The following CDH12 variants were observed in gnomAD, a reference collection of about 807,000 sequenced individuals.
The protein encoded by CDH12 is cadherin 12, also known as cadherin-12.
In CDH12, 41 loss-of-function variants were observed where a neutral mutation model predicts 74.1. The observed-to-expected ratio is 0.55, with a 90% CI of 0.43 to 0.72. The LOEUF is 0.72. Ranked by LOEUF, CDH12 falls within the 30% of genes least tolerant of loss-of-function variation. The pLI is 0.00. For synonymous variants in CDH12, 399 were observed against 355.0 expected (o/e 1.12, Z -1.39); for missense variants, 945 against 977.2 (o/e 0.97, Z 0.44).
intron 14 of CDH12, among the ~76,000 whole-genome samples, chr5:21,752,648 T>C (rs1373083502): frequency 6.6e-6 from 1 of 152,150 alleles, no homozygotes; most frequent in African/African-American, 2.4e-5. Flanking sequence ...AATTTTAAAT[T>C]AGAAATTTAT....
intron 3 of CDH12, among the ~76,000 whole-genome samples, chr5:22,309,416 T>A (rs2150426832): frequency 6.6e-6 from 1 of 152,232 alleles, no homozygotes; most frequent in South Asian, 2.1e-4. Flanking sequence ...TTGACTAAAG[T>A]AAAAAATTGA....
chr5:21,893,159 T>C (rs368466821), intron 6 of CDH12, among the ~76,000 whole-genome samples: 2 of 152,200 alleles, frequency 1.3e-5, no homozygotes, highest in East Asian at 3.9e-4. Context: ...TGTAAACGAC[T>C]TAGAAGAGTT....
chr5:22,700,324 T>A (rs1742649895), intron 1 of CDH12, among the ~76,000 whole-genome samples: 1 of 152,206 alleles, frequency 6.6e-6, no homozygotes, highest in Admixed American at 6.5e-5. Flanking sequence ...TGTTGCAGGT[T>A]GCCCACTGAA....
chr5:22,257,399 A>G (rs1213988244), intron 3 of CDH12, among the ~76,000 whole-genome samples: 1 of 152,010 alleles, frequency 6.6e-6, no homozygotes, highest in Non-Finnish European at 1.5e-5. Flanking sequence ...GATATTAAGA[A>G]AGAAAATATT....
chr5:21,887,286 TAAG>T (rs1457551698), intron 6 of CDH12, among the ~76,000 whole-genome samples: 3 of 152,170 alleles, frequency 2.0e-5, no homozygotes, highest in African/African-American at 7.2e-5. Context: ...GTATGATTGA[TAAG>T]AAGTTTAAAC....
chr5:21,872,894 C>CGTCTATCTATCTATCT (rs1751711974), intron 6 of CDH12, among the ~76,000 whole-genome samples: 1 of 146,750 alleles, frequency 6.8e-6, no homozygotes, highest in African/African-American at 2.5e-5. Context: ...ACCTATCATC[C>CGTCTATCTATCTATCT]ATCTATCTAT....
intron 4 of CDH12, among the ~76,000 whole-genome samples, chr5:22,186,535 A>G (rs532898461): frequency 1.3e-5 from 2 of 152,246 alleles, no homozygotes; most frequent in South Asian, 4.1e-4. Flanking sequence ...CAGTGATATG[A>G]TCTCAGCTCA....
At chr5:22,201,722 G>A (rs1187643625) in intron 4 of CDH12, among the ~76,000 whole-genome samples, 1 of 151,978 alleles carries the variant, frequency 6.6e-6, no homozygotes, top group Non-Finnish European at 1.5e-5. Flanking sequence ...AAAAAGCAGG[G>A]AAACTACAAG....
intron 3 of CDH12, among the ~76,000 whole-genome samples, chr5:22,335,404 T>A (rs552282901): frequency 4.3e-4 from 65 of 152,034 alleles, no homozygotes; most frequent in Non-Finnish European, 6.8e-4. Flanking sequence ...GCTAAGATTG[T>A]GAAACACCGT....
intron 11 of CDH12, among the ~76,000 whole-genome samples, chr5:21,766,316 C>T (rs568406167): frequency 2.6e-5 from 4 of 151,954 alleles, no homozygotes; most frequent in Admixed American, 6.5e-5. Context: ...ACATAAATTG[C>T]GTATAAATAG....
intron 1 of CDH12, among the ~76,000 whole-genome samples, chr5:22,842,491 A>G (rs1398011795): frequency 6.6e-6 from 1 of 152,100 alleles, no homozygotes; most frequent in Non-Finnish European, 1.5e-5. Flanking sequence ...AGAGACAAAA[A>G]AATAGTCAAG....
At chr5:22,836,246 C>A (rs1268835056) in intron 1 of CDH12, among the ~76,000 whole-genome samples, 2 of 440 alleles carry the variant, frequency 4.5e-3, no homozygotes, top group South Asian at 0.033. Flanking sequence ...TTTTTTGAGA[C>A]AGAGTCTCGC....
intron 12 of CDH12, among the ~76,000 whole-genome samples, chr5:21,761,742 T>TAGATATAGATAG (rs1554027352): frequency 6.8e-6 from 1 of 147,346 alleles, no homozygotes; most frequent in Non-Finnish European, 1.5e-5. Flanking sequence ...GATGGATAGA[T>TAGATATAGATAG]ATAGATAGAT....
At chr5:22,239,738 A>G (rs1180209525) in intron 3 of CDH12, among the ~76,000 whole-genome samples, 1 of 152,230 alleles carries the variant, frequency 6.6e-6, no homozygotes, top group Non-Finnish European at 1.5e-5. Context: ...GCATGATTAT[A>G]CTTCCAAATT....
intron 6 of CDH12, among the ~76,000 whole-genome samples, chr5:21,964,188 G>A (rs1756482973): frequency 3.3e-5 from 5 of 152,006 alleles, no homozygotes; most frequent in Admixed American, 3.3e-4. Flanking sequence ...AGTAATTGAA[G>A]ATACCCACTT....
chr5:22,536,419 T>G (rs1043947427), intron 1 of CDH12, among the ~76,000 whole-genome samples: 4 of 152,054 alleles, frequency 2.6e-5, no homozygotes, highest in Non-Finnish European at 4.4e-5. Flanking sequence ...TGGTGGTGGT[T>G]GTTGTGGTCG....
chr5:22,336,634 G>A (rs1383260817), intron 3 of CDH12, among the ~76,000 whole-genome samples: 15 of 152,220 alleles, frequency 9.9e-5, no homozygotes, highest in Non-Finnish European at 2.2e-4. Context: ...TCCACATGGT[G>A]TTGAGCCTGC....
chr5:22,703,342 C>G (rs1742817525), intron 1 of CDH12, among the ~76,000 whole-genome samples: 2 of 152,024 alleles, frequency 1.3e-5, no homozygotes, highest in African/African-American at 4.8e-5. Context: ...AGCAACATAG[C>G]CTTACTTGAA....
rs545810890 is a variant in CDH12, at chr5:22,717,244, CT to C, written c.-523+135813del. Among the ~76,000 whole-genome samples the C allele has an allele frequency of 5.4e-4, 82 of 151,180 alleles. No homozygotes were observed. The South Asian group carries it at 0.015, about 27-fold the overall frequency. On this transcript the variant is annotated intron_variant, in intron 1 of 14. Transcript: ENST00000382254. ...TGGTATATGCCCTATACAGGTGAAC[CT>C]TTTTTTTTAATCTTTTACCTCACTT...
Sources: gnomAD v4.1 joint callset for allele counts (sites outside exome capture counted in the v4.1 genomes callset) on GRCh38, gnomAD v4.1.1 for gene constraint, MANE v1.5 for transcripts, NCBI Gene and HGNC (gene_info 2026-07-23, HGNC 2026-07-21) for gene names.